The following KCNK3 variants were observed in gnomAD, a reference collection of about 807,000 sequenced individuals.
KCNK3 encodes potassium channel subfamily K member 3.
Under a neutral mutation model 27.3 loss-of-function variants are expected in KCNK3, and 9 were observed. That is an observed-to-expected ratio of 0.33 (90% CI 0.20 to 0.57). KCNK3 has a LOEUF of 0.57. Ranked by LOEUF, KCNK3 falls within the 20% of genes least tolerant of loss-of-function variation. The pLI is 0.87. For missense variants in KCNK3, 391 were observed against 577.7 expected, an observed-to-expected ratio of 0.68 and a Z score of 3.31; for synonymous variants, 278 against 273.8, an observed-to-expected ratio of 1.02 and a Z score of -0.15.
chr2:26,719,448 T>G (rs1663288338), intron 1 of KCNK3, among the ~76,000 whole-genome samples: 1 of 152,160 alleles, frequency 6.6e-6, no homozygotes, highest in Non-Finnish European at 1.5e-5. Context: ...CCTTCAGAGC[T>G]CAGAGCAAAT....
chr2:26,717,448 G>A (rs367930237), intron 1 of KCNK3, among the ~76,000 whole-genome samples: 16 of 152,198 alleles, frequency 1.1e-4, no homozygotes, highest in Non-Finnish European at 1.5e-4. Flanking sequence ...AGATGCCAGC[G>A]TCATGGACAG....
intron 1 of KCNK3, among the ~76,000 whole-genome samples, chr2:26,717,657 A>T (rs1012299673): frequency 1.3e-5 from 2 of 152,248 alleles, no homozygotes; most frequent in African/African-American, 4.8e-5. Context: ...GGTCATGAGG[A>T]TGCAGACAGG....
intron 1 of KCNK3, among the ~76,000 whole-genome samples, chr2:26,695,790 G>A (rs574026990): frequency 2.4e-4 from 36 of 152,310 alleles, no homozygotes; most frequent in Middle Eastern, 3.4e-3. Context: ...GCCATGGGGG[G>A]AGAGGCAGAC....
At chr2:26,719,259 T>C (rs1048870178) in intron 1 of KCNK3, among the ~76,000 whole-genome samples, 3 of 152,198 alleles carry the variant, frequency 2.0e-5, no homozygotes, top group Non-Finnish European at 4.4e-5. Context: ...TCTTGATTCG[T>C]ATCATGCAGC....
At chr2:26,715,561 G>T (rs1052772762) in intron 1 of KCNK3, among the ~76,000 whole-genome samples, 1 of 152,356 alleles carries the variant, frequency 6.6e-6, no homozygotes, top group East Asian at 1.9e-4. Context: ...GAGATGAGTG[G>T]CAGGGAGTAG....
At chr2:26,701,594 G>A (rs1265596938) in intron 1 of KCNK3, among the ~76,000 whole-genome samples, 1 of 152,188 alleles carries the variant, frequency 6.6e-6, no homozygotes. Flanking sequence ...CTTAGTTTGG[G>A]CTGCTATCAT....
intron 1 of KCNK3, among the ~76,000 whole-genome samples, chr2:26,724,070 G>C (rs1049840648): frequency 6.6e-6 from 1 of 152,232 alleles, no homozygotes; most frequent in Non-Finnish European, 1.5e-5. Flanking sequence ...GCAGGCAGAC[G>C]GGTCTTGCCA....
rs188496180 is a variant in KCNK3 at position 26,731,168 on chromosome 2, C to T, written c.*2600C>T. 1.0e-3 allele frequency: 155 copies of T among 152,332 alleles called. No individual in the cohort carries two copies. The highest frequency in any genetic ancestry group is 3.6e-3 in the African/African-American group (151 of 41,554). The allele number at this position is 152,332 out of a possible 1,614,324, so 9.4% of individuals were successfully genotyped here. A position where few individuals can be genotyped will look rare whatever the true frequency, so the allele number is the denominator to read the frequency against. On this transcript the variant is annotated 3_prime_UTR_variant, in exon 2 of 2. Transcript: ENST00000302909. Reference sequence around the variant, plus strand: ...CTATCTGTCTTCACACTGAGAATGGCGCCCAATAAATGCTATCCACGGAGA... The same window carrying T: ...CTATCTGTCTTCACACTGAGAATGGTGCCCAATAAATGCTATCCACGGAGA...
chr2:26,726,759 C>T (rs899854635), intron 1 of KCNK3, among the ~76,000 whole-genome samples: 1 of 148,048 alleles, frequency 6.8e-6, no homozygotes, highest in Non-Finnish European at 1.5e-5. Flanking sequence ...TTGCCTCTGC[C>T]CTGATCTTGG....
intron 1 of KCNK3, among the ~76,000 whole-genome samples, chr2:26,698,287 C>T (rs969861973): frequency 3.9e-5 from 6 of 152,154 alleles, no homozygotes; most frequent in Admixed American, 6.5e-5. Context: ...GGGCGTGCTT[C>T]GACCCCACAA....
chr2:26,728,337 C>G lies in KCNK3; in HGVS notation c.954C>G (p.Arg318=). ...GCTCGTGCCTGTGGTACAAGAGCCG[C>G]GAGAAGCTGCAGTACTCCATCCCCA... is the stretch of plus-strand genomic sequence containing the variant. ...SMCSCLWYKS[R]EKLQYSIPMI... Residue 318 remains arginine (R), a synonymous_variant, in exon 2 of 2, where the codon CGC becomes CGG. Coordinates refer to ENST00000302909, the MANE Select transcript of KCNK3 (RefSeq NM_002246.3). 1.2e-6 allele frequency: 2 copies of G among 1,604,456 alleles called. No homozygotes were observed. The highest frequency in any genetic ancestry group is 1.1e-5 in the South Asian group (1 of 89,552).
At chr2:26,719,869 G>A (rs1475555632) in intron 1 of KCNK3, among the ~76,000 whole-genome samples, 1 of 152,230 alleles carries the variant, frequency 6.6e-6, no homozygotes, top group Non-Finnish European at 1.5e-5. Context: ...AGTAAAAGAT[G>A]ACATGAGGGC....
intron 1 of KCNK3, among the ~76,000 whole-genome samples, chr2:26,702,283 T>C (rs538134358): frequency 4.6e-5 from 7 of 152,200 alleles, no homozygotes; most frequent in African/African-American, 1.4e-4. Context: ...CAGGCTACAG[T>C]GTGGAATGCA....
chr2:26,699,474 G>A (rs1670280747), intron 1 of KCNK3, among the ~76,000 whole-genome samples: 2 of 152,218 alleles, frequency 1.3e-5, no homozygotes, highest in African/African-American at 2.4e-5. Flanking sequence ...TATTTTCAAA[G>A]CAAACATAAA....
In KCNK3 at chr2:26,705,998, T is replaced by C. The variant is rs369847628; in HGVS notation, c.283+12840T>C. Among the ~76,000 whole-genome samples, 12 of 152,216 alleles carry C rather than the reference T, an allele frequency of 7.9e-5. No homozygotes were observed. In the East Asian group the frequency reaches 2.3e-3, roughly 29 times the overall value. On this transcript the variant is annotated intron_variant, in intron 1 of 1. Coordinates refer to ENST00000302909, the MANE Select transcript of KCNK3 (RefSeq NM_002246.3). The stretch of plus-strand genomic sequence containing the variant: ...CCCACGGGAGTTAATTCATTAGGGC[T>C]GAGGTAAGCCCAGGAGGCTTCAAGT...
chr2:26,719,258 G>A (rs754544808), intron 1 of KCNK3, among the ~76,000 whole-genome samples: 8 of 152,096 alleles, frequency 5.3e-5, no homozygotes, highest in Non-Finnish European at 7.4e-5. Flanking sequence ...TTCTTGATTC[G>A]TATCATGCAG....
In KCNK3 at chr2:26,727,672, G is replaced by C; in HGVS notation, c.289G>C (p.Gly97Arg). 1 of 1,512,892 alleles carries C rather than the reference G, an allele frequency of 6.6e-7. No homozygotes were observed. The highest frequency in any genetic ancestry group is 8.9e-7 in the Non-Finnish European group (1 of 1,129,902). 93.7% of individuals were successfully genotyped at this position (1,512,892 alleles called of 1,614,324 possible). A position where few individuals can be genotyped will look rare whatever the true frequency, so the allele number is the denominator to read the frequency against. Residue 97 changes from glycine to arginine, a missense_variant, in exon 2 of 2, where the codon GGG becomes CGG. Around this residue, in one of 4 missense-constraint regions of KCNK3, gnomAD observed 158 missense variants for 267.7 expected, o/e 0.59. Coordinates refer to ENST00000302909, the MANE Select transcript of KCNK3 (RefSeq NM_002246.3). ...TCTTTCCCACTTTCCCCCAGGCTAC[G>C]GGCACGCGGCACCCAGCACGGATGG... is the stretch of plus-strand genomic sequence containing the variant. ...AITVITTIGY[G>R]HAAPSTDGGK...
chr2:26,728,124 G>A lies in KCNK3; in HGVS notation c.741G>A (p.Met247Ile), dbSNP rs879213487. ...AFLNLVVLRFMTMNAEDEKRD... is the reference protein window; with the variant it reads ...AFLNLVVLRFITMNAEDEKRD... ...TCAACCTCGTGGTGCTGCGCTTCATGACCATGAACGCCGAGGACGAGAAGC... is the reference window on the plus strand; with the variant it reads ...TCAACCTCGTGGTGCTGCGCTTCATAACCATGAACGCCGAGGACGAGAAGC... Residue 247 changes from methionine to isoleucine, a missense_variant, in exon 2 of 2, where the codon ATG becomes ATA. By Grantham distance (10) the Met-to-Ile change is conservative. Around this residue, in one of 4 missense-constraint regions of KCNK3, gnomAD observed 38 missense variants for 80.5 expected, o/e 0.47. Coordinates refer to ENST00000302909, the MANE Select transcript of KCNK3 (RefSeq NM_002246.3). 4 of 1,606,576 alleles carry A rather than the reference G, an allele frequency of 2.5e-6. No homozygotes were observed. Among genetic ancestry groups the A allele is most frequent in the Non-Finnish European group, 2.5e-6 (3 of 1,176,750 alleles).
In KCNK3 at chr2:26,730,891, G is replaced by A. The variant is rs1198922342; in HGVS notation, c.*2323G>A. ...TGGGGAAGGGTGCAGAATGGCCGTG[G>A]GGCACAGCGTGGCAGACTGTTCAGT... On this transcript the variant is annotated 3_prime_UTR_variant, in exon 2 of 2. Transcript: ENST00000302909. 1.3e-5 allele frequency: 2 copies of A among 152,992 alleles called. No homozygotes were observed. The highest frequency in any genetic ancestry group is 2.4e-5 in the African/African-American group (1 of 41,440). The allele number at this position is 152,992 out of a possible 1,614,324, so 9.5% of individuals were successfully genotyped here.
Sources: allele counts gnomAD v4.1 joint callset (sites outside exome capture counted in the v4.1 genomes callset), GRCh38; gene constraint gnomAD v4.1.1; regional missense constraint gnomAD v4.1.1; transcripts MANE v1.5; gene names NCBI Gene and HGNC (gene_info 2026-07-23, HGNC 2026-07-21).